NXF1: variants seen among roughly 807,000 people sequenced by gnomAD.
The protein encoded by NXF1 is mRNA export factor TAP.
Under a neutral mutation model 92.4 loss-of-function variants are expected in NXF1, and 43 were observed. The ratio of observed to expected loss-of-function variants is 0.47; its 90% CI spans 0.36 to 0.60. NXF1 has a LOEUF of 0.60. NXF1 is among the 20% of genes least tolerant of loss of function. NXF1 has a pLI of 0.00. For synonymous variants in NXF1, 288 were observed against 292.2 expected, an observed-to-expected ratio of 0.99 and a Z score of 0.15; for missense variants, 576 against 793.0, an observed-to-expected ratio of 0.73 and a Z score of 3.29.
At chr11:62,800,295 G>A (rs1428578356) in intron 10 of NXF1, 82 bp downstream of exon 10, 1 of 1,600,448 alleles carries the variant, frequency 6.2e-7, no homozygotes, top group East Asian at 2.3e-5. Flanking sequence ...CATCTCCGCA[G>A]ACGGGCCCTG....
intron 13 of NXF1, 142 bp downstream of exon 13, chr11:62,797,041 C>G (rs2084427946): frequency 8.3e-6 from 6 of 725,658 alleles, no homozygotes; most frequent in Non-Finnish European, 1.3e-5. Flanking sequence ...GCACTCCAGC[C>G]TGGGTGACAC....
Position 62,792,290 on chromosome 11 carries a change from C to T in NXF1, c.*186G>A, listed in dbSNP as rs556724992. The T allele has an allele frequency of 7.8e-6, 6 of 766,032 alleles. No individual in the cohort carries two copies. The highest frequency in any genetic ancestry group is 7.3e-5 in the East Asian group (3 of 40,854). 47.5% of individuals were successfully genotyped at this position (766,032 alleles called of 1,614,324 possible). A position where few individuals can be genotyped will look rare whatever the true frequency, so the allele number is the denominator to read the frequency against. ...AAAGTAAGCTTTGGCTTCCTGGCAC[C>T]AGTGAGGCTCAATCTTCTGAAGTCT... On this transcript the variant is annotated 3_prime_UTR_variant, in exon 21 of 21. Coordinates refer to ENST00000294172, the MANE Select transcript of NXF1 (RefSeq NM_006362.5).
intron 1 of NXF1, 48 bp from the exon 2 acceptor site, chr11:62,804,026 GT>G (rs1565202517): frequency 6.2e-7 from 1 of 1,602,582 alleles, no homozygotes; most frequent in Non-Finnish European, 8.5e-7. Context: ...AACTGGTCCG[GT>G]TTGGTGTGGC....
intron 13 of NXF1, 27 bp from the exon 14 acceptor site, chr11:62,796,594 TG>T: frequency 6.8e-7 from 1 of 1,477,586 alleles, no homozygotes; most frequent in Non-Finnish European, 9.5e-7. Context: ...AAAGAAAGTA[TG>T]GGCTCTGTGG....
chr11:62,801,250 G>C (rs767695353), intron 8 of NXF1, 49 bp from the exon 9 acceptor site: 3 of 1,604,716 alleles, frequency 1.9e-6, no homozygotes, highest in East Asian at 4.5e-5. Context: ...AAGTGGATCA[G>C]AGACGAATCT....
chr11:62,804,674 G>T (rs1217116341), intron 1 of NXF1, among the ~76,000 whole-genome samples: 2 of 152,164 alleles, frequency 1.3e-5, no homozygotes, highest in Non-Finnish European at 2.9e-5. Flanking sequence ...CATAGAAGGC[G>T]CAGCTAACAT....
At chr11:62,800,723 C>T (rs2084469725) in intron 9 of NXF1, among the ~76,000 whole-genome samples, 1 of 151,994 alleles carries the variant, frequency 6.6e-6, no homozygotes, top group East Asian at 1.9e-4. Flanking sequence ...CCACCTCAGA[C>T]TCCTGGGTAG....
Position 62,792,342 on chromosome 11 carries a change from C to T in NXF1, c.*134G>A. 1 of 1,060,382 alleles carries T rather than the reference C, an allele frequency of 9.4e-7. No individual in the cohort carries two copies. Among genetic ancestry groups the T allele is most frequent in the South Asian group, 1.3e-5 (1 of 78,272 alleles). 65.7% of individuals were successfully genotyped at this position (1,060,382 alleles called of 1,614,324 possible). ...CCAGAAGGCAGGCGAGGAGAGGGAT[C>T]AGGCAGCCCTCCCTCCCTCGGTCAC... On this transcript the variant is annotated 3_prime_UTR_variant, in exon 21 of 21. Transcript: ENST00000294172.
chr11:62,797,867 C>A (rs560926452), intron 11 of NXF1, among the ~76,000 whole-genome samples: 2 of 152,226 alleles, frequency 1.3e-5, no homozygotes, highest in South Asian at 2.1e-4. Flanking sequence ...GTGGCTCACA[C>A]CTGTAATCCC....
chr11:62,805,329 C>T lies in NXF1; in HGVS notation c.28G>A (p.Glu10Lys), dbSNP rs768943832. The T allele has an allele frequency of 7.4e-6, 12 of 1,610,812 alleles. No homozygotes were observed. Among genetic ancestry groups the T allele is most frequent in the Non-Finnish European group, 9.3e-6 (11 of 1,178,634 alleles). MADEGKSYSEHDDERVNFPQ... is the reference protein window; with the variant it reads MADEGKSYSKHDDERVNFPQ... ...TCCCGACCCGAAGACCAGCACTTACCGCTGTACGACTTCCCCTCGTCCGCC... is the reference window on the plus strand; with the variant it reads ...TCCCGACCCGAAGACCAGCACTTACTGCTGTACGACTTCCCCTCGTCCGCC... The change falls in exon 1 of 21, where the codon GAA (glutamate) becomes AAA (lysine). Residue 10 changes from glutamate to lysine, a missense_variant and splice_region_variant. Physicochemically the swap from Glu to Lys is moderately conservative, Grantham distance 56 (BLOSUM62 1). Around this residue, in one of 2 missense-constraint regions of NXF1, gnomAD observed 151 missense variants for 157.8 expected, o/e 0.96. Transcript: ENST00000294172.
chr11:62,803,686 T>G lies in NXF1; in HGVS notation c.215+106A>C. On this transcript the variant is annotated intron_variant, in intron 2 of 20. Transcript: ENST00000294172. ...GACTGTTTAATCACTAAGCTAGTCC[T>G]GGCATTTCTCACTCTAACAGGTGGG... The G allele has an allele frequency of 1.9e-6, 3 of 1,542,328 alleles. No individual in the cohort carries two copies. The South Asian group carries it at 3.5e-5, about 18-fold the overall frequency.
Position 62,797,231 on chromosome 11 carries a change from T to C in NXF1, c.1130A>G (p.Tyr377Cys), listed in dbSNP as rs755203879. The change falls in exon 13 of 21, where the codon TAT (tyrosine) becomes TGT (cysteine). Residue 377 changes from tyrosine to cysteine, a missense_variant. Physicochemically the swap from Tyr to Cys is radical, Grantham distance 194. Around this residue, in one of 2 missense-constraint regions of NXF1, gnomAD observed 425 missense variants for 635.2 expected, o/e 0.67. Transcript: ENST00000294172. ...PTTLPPCKGS[Y>C]FGTENLKSLV... The stretch of plus-strand genomic sequence containing the variant: ...ACTCTTCAAGTTTTCTGTTCCAAAA[T>C]AGCTTCCCTGAAATCAAACAGGTAT... 6.8e-6 allele frequency: 11 copies of C among 1,614,158 alleles called. No homozygotes were observed. The highest frequency in any genetic ancestry group is 2.2e-5 in the East Asian group (1 of 44,880).
Position 62,801,204 on chromosome 11 carries a change from G to A in NXF1, c.799-3C>T. ...TTGCTCAAGTTCAAGGACAATAGCTGTGAGGAGAGAAGAGTTTAGAGGAGG... is the reference window on the plus strand; with the variant it reads ...TTGCTCAAGTTCAAGGACAATAGCTATGAGGAGAGAAGAGTTTAGAGGAGG... On this transcript the variant is annotated splice_region_variant and splice_polypyrimidine_tract_variant and intron_variant, in intron 8 of 20. Coordinates refer to ENST00000294172, the MANE Select transcript of NXF1 (RefSeq NM_006362.5). 1 of 1,613,766 alleles carries A rather than the reference G, an allele frequency of 6.2e-7. No homozygotes were observed. The highest frequency in any genetic ancestry group is 1.1e-5 in the South Asian group (1 of 91,066).
chr11:62,803,272 CGCCACT>C, intron 3 of NXF1, 141 bp downstream of exon 3: 2 of 611,092 alleles, frequency 3.3e-6, no homozygotes, highest in Non-Finnish European at 2.6e-6. Context: ...GCCGAGATCA[CGCCACT>C]GTACTCCAGC....
At position 62,796,280 on chromosome 11, in the gene NXF1, C is replaced by T; in HGVS notation, c.1345+7G>A. ...TTTCCCATATTTTGTTCGTATCACACACTTACTAGGGTCTTTAAGCTTCTT... is the reference window on the plus strand; with the variant it reads ...TTTCCCATATTTTGTTCGTATCACATACTTACTAGGGTCTTTAAGCTTCTT... On this transcript the variant is annotated splice_region_variant and intron_variant, in intron 15 of 20. Transcript: ENST00000294172. The T allele has an allele frequency of 6.2e-7, 1 of 1,614,140 alleles. No homozygotes were observed.
At chr11:62,805,210 G>A in intron 1 of NXF1, 119 bp downstream of exon 1, 1 of 945,080 alleles carries the variant, frequency 1.1e-6, no homozygotes, top group Non-Finnish European at 1.4e-6. Context: ...CCCCCCGCGC[G>A]CCGCTCCCCG....
intron 5 of NXF1, 56 bp downstream of exon 5, chr11:62,801,886 T>G: frequency 8.1e-6 from 13 of 1,603,092 alleles, no homozygotes; most frequent in Non-Finnish European, 1.1e-5. Context: ...CAAGACCCAG[T>G]CCCTGCTCTG....
chr11:62,792,324 G>T lies in NXF1; in HGVS notation c.*152C>A. On this transcript the variant is annotated 3_prime_UTR_variant, in exon 21 of 21. Coordinates refer to ENST00000294172, the MANE Select transcript of NXF1 (RefSeq NM_006362.5). ...TCAATCTTCTGAAGTCTTCCAGAAG[G>T]CAGGCGAGGAGAGGGATCAGGCAGC... 1 of 919,482 alleles carries T rather than the reference G, an allele frequency of 1.1e-6. No individual in the cohort carries two copies. The allele number at this position is 919,482 out of a possible 1,614,324, so 57.0% of individuals were successfully genotyped here. A position where few individuals can be genotyped will look rare whatever the true frequency, so the allele number is the denominator to read the frequency against.
intron 5 of NXF1, 29 bp downstream of exon 5, chr11:62,801,913 T>A (rs1247074622): frequency 1.2e-6 from 2 of 1,611,020 alleles, no homozygotes; most frequent in Non-Finnish European, 1.7e-6. Context: ...AACCTCCACC[T>A]CCAGCCAAGC....
Sources: gnomAD v4.1 joint callset for allele counts (sites outside exome capture counted in the v4.1 genomes callset) on GRCh38, gnomAD v4.1.1 for gene constraint, gnomAD v4.1.1 regional missense constraint, MANE v1.5 for transcripts, NCBI Gene and HGNC (gene_info 2026-07-23, HGNC 2026-07-21) for gene names.